Variants in HAUS6 observed in about 807,000 individuals in gnomAD.
HAUS6 encodes HAUS augmin-like complex subunit 6.
A neutral mutation model predicts 106.8 loss-of-function variants in HAUS6; 80 were observed. That is an observed-to-expected ratio of 0.75 (90% CI 0.63 to 0.90). The LOEUF (loss-of-function observed/expected upper bound fraction) is 0.90. Ranked by LOEUF, HAUS6 falls within the 40% of genes least tolerant of loss-of-function variation. HAUS6 has a pLI of 0.00. For synonymous variants in HAUS6, 356 were observed against 379.1 expected (o/e 0.94, Z 0.71); for missense variants, 1,155 against 1,118.1 (o/e 1.03, Z -0.47).
chr9:19,071,106 C>A (rs918781844), intron 11 of HAUS6, among the ~76,000 whole-genome samples: 1 of 152,098 alleles, frequency 6.6e-6, no homozygotes, highest in Non-Finnish European at 1.5e-5. Flanking sequence ...CCAAGTGGAA[C>A]AGAAGCCATA....
At chr9:19,089,121 T>C (rs1277660027) in intron 5 of HAUS6, among the ~76,000 whole-genome samples, 1 of 151,976 alleles carries the variant, frequency 6.6e-6, no homozygotes, top group Non-Finnish European at 1.5e-5. Context: ...CCTGCGCCAA[T>C]AATCCCAGGT....
At chr9:19,074,414 GAC>G (rs1836946565) in intron 11 of HAUS6, among the ~76,000 whole-genome samples, 1 of 152,084 alleles carries the variant, frequency 6.6e-6, no homozygotes, top group Admixed American at 6.5e-5. Flanking sequence ...TAGGACTACA[GAC>G]ACACACCACC....
intron 7 of HAUS6, among the ~76,000 whole-genome samples, chr9:19,083,588 G>A (rs958542489): frequency 6.6e-6 from 1 of 151,910 alleles, no homozygotes; most frequent in African/African-American, 2.4e-5. Context: ...AGATCACGAG[G>A]TCAGGAGATA....
chr9:19,074,510 A>T (rs1412100239), intron 11 of HAUS6, among the ~76,000 whole-genome samples: 2 of 152,036 alleles, frequency 1.3e-5, no homozygotes, highest in African/African-American at 4.8e-5. Flanking sequence ...GGGCTTAAGC[A>T]ATCTTCCACC....
In HAUS6 at chr9:19,078,315, A is replaced by G; in HGVS notation, c.1065-13T>C. On this transcript the variant is annotated splice_polypyrimidine_tract_variant and intron_variant, in intron 9 of 16. Coordinates refer to ENST00000380502, the MANE Select transcript of HAUS6 (RefSeq NM_017645.5). The stretch of plus-strand genomic sequence containing the variant: ...TTTTATTCTATACCTATAATAGCAT[A>G]AAAAAACTTTATTCAAAAGATGATA... 1 of 1,367,414 alleles carries G rather than the reference A, an allele frequency of 7.3e-7. No individual in the cohort carries two copies. Among genetic ancestry groups the G allele is most frequent in the African/African-American group, 1.5e-5 (1 of 68,698 alleles). 84.7% of individuals were successfully genotyped at this position (1,367,414 alleles called of 1,614,324 possible).
chr9:19,081,094 A>AT (rs921107471), intron 8 of HAUS6, among the ~76,000 whole-genome samples: 3 of 146,718 alleles, frequency 2.0e-5, no homozygotes, highest in Non-Finnish European at 4.5e-5. Context: ...CAAAAAAAAA[A>AT]GCGGGGGGAA....
intron 12 of HAUS6, 132 bp downstream of exon 12, chr9:19,070,087 T>G: frequency 1.6e-6 from 1 of 624,736 alleles, no homozygotes; most frequent in Non-Finnish European, 2.9e-6. Flanking sequence ...AATCCTCTTG[T>G]AATACAGAAA....
At chr9:19,056,650 G>C (rs1836478749) in intron 16 of HAUS6, 1 of 367,478 alleles carries the variant, frequency 2.7e-6, no homozygotes, top group African/African-American at 2.1e-5. Flanking sequence ...ACCCAGGCTG[G>C]AGTGCAGTGG....
intron 4 of HAUS6, among the ~76,000 whole-genome samples, chr9:19,092,787 T>C (rs935440381): frequency 6.6e-6 from 1 of 151,314 alleles, no homozygotes; most frequent in African/African-American, 2.4e-5. Context: ...TAGCCAGTCA[T>C]GGTGGCAGAC....
At chr9:19,102,139 T>C (rs1376241638) in intron 1 of HAUS6, among the ~76,000 whole-genome samples, 7 of 152,184 alleles carry the variant, frequency 4.6e-5, no homozygotes, top group African/African-American at 1.7e-4. Context: ...ACAACCACCT[T>C]CAAAGGCTCC....
intron 9 of HAUS6, among the ~76,000 whole-genome samples, chr9:19,079,112 C>T (rs1244919405): frequency 6.9e-6 from 1 of 144,222 alleles, no homozygotes; most frequent in African/African-American, 2.6e-5. Flanking sequence ...TGCAGAAAGC[C>T]GAGATTGCGC....
rs143711947 is a variant in HAUS6 at position 19,088,696 on chromosome 9, G to A, written c.584+716C>T. On this transcript the variant is annotated intron_variant, in intron 5 of 16. Transcript: ENST00000380502. ...CAGCATGGTCAACATGGCAAAACCC[G>A]GTCGCTACTATAAATACAAAAAAAA... Among the ~76,000 whole-genome samples the A allele has an allele frequency of 4.1e-3, 614 of 150,480 alleles. 3 individuals are homozygous for A. Among genetic ancestry groups the A allele is most frequent in the African/African-American group, 0.014 (588 of 40,952 alleles).
rs542166266 is a variant in HAUS6 at position 19,072,309 on chromosome 9, T to C, written c.1295-2009A>G. 2.6e-5 allele frequency among the ~76,000 whole-genome samples: 4 copies of C among 152,168 alleles called. No homozygotes were observed. In the South Asian group the frequency reaches 8.3e-4, roughly 32 times the overall value. ...GGGCAGATCACTTGAGGTCAGTAGT[T>C]CAAGACCAACCTGTTCAACATGGTG... On this transcript the variant is annotated intron_variant, in intron 11 of 16. Transcript: ENST00000380502.
rs551780486 is a variant in HAUS6 at position 19,075,788 on chromosome 9, TA to T, written c.1294+813del. Among the ~76,000 whole-genome samples, 240 of 150,980 alleles carry T rather than the reference TA, an allele frequency of 1.6e-3. 1 individual carries two copies. The highest frequency in any genetic ancestry group is 2.8e-3 in the Non-Finnish European group (192 of 67,536). ...GGCCAACATGGTGAAACTCCGTCTC[TA>T]CTAAAAATACAAAAAAAATTAGCCA... On this transcript the variant is annotated intron_variant, in intron 11 of 16. Coordinates refer to ENST00000380502, the MANE Select transcript of HAUS6 (RefSeq NM_017645.5).
At chr9:19,060,472 T>A (rs1049033146) in intron 14 of HAUS6, among the ~76,000 whole-genome samples, 1 of 152,206 alleles carries the variant, frequency 6.6e-6, no homozygotes, top group Non-Finnish European at 1.5e-5. Context: ...AAGGAGAGAA[T>A]AGATAAGAAT....
intron 4 of HAUS6, among the ~76,000 whole-genome samples, chr9:19,091,318 A>G (rs78203579): frequency 0.011 from 1,710 of 151,702 alleles, 33 homozygotes; most frequent in African/African-American, 0.038. Context: ...AAAAAAAGAA[A>G]CCACCAAAAT....
At chr9:19,076,737 AC>A (rs1837015950) in intron 10 of HAUS6, 33 bp from the exon 11 acceptor site, 2 of 941,198 alleles carry the variant, frequency 2.1e-6, no homozygotes, top group Non-Finnish European at 3.5e-6. Flanking sequence ...TTTGAAGTAA[AC>A]ATATTTGCTA....
At chr9:19,057,280 T>G (rs1266576823) in intron 16 of HAUS6, 1 of 152,396 alleles carries the variant, frequency 6.6e-6, no homozygotes, top group East Asian at 1.9e-4. Context: ...TGTGTCCTTA[T>G]AAGACAATAC....
chr9:19,080,413 T>C (rs1373523350), intron 9 of HAUS6, 66 bp downstream of exon 9: 4 of 977,122 alleles, frequency 4.1e-6, no homozygotes, highest in East Asian at 2.4e-5. Flanking sequence ...ATTAAACTTA[T>C]ACAAGTTTTG....
Sources: allele counts gnomAD v4.1 joint callset (sites outside exome capture counted in the v4.1 genomes callset), GRCh38; gene constraint gnomAD v4.1.1; transcripts MANE v1.5; gene names NCBI Gene and HGNC (gene_info 2026-07-23, HGNC 2026-07-21).